The following GLDC variants were observed in gnomAD, a reference collection of about 807,000 sequenced individuals.
GLDC encodes glycine dehydrogenase (decarboxylating), mitochondrial.
In GLDC, 104 loss-of-function variants were observed where a neutral mutation model predicts 121.3. The observed-to-expected ratio is 0.86, with a 90% CI of 0.73 to 1.01. GLDC has a LOEUF of 1.01. Ranked by LOEUF, GLDC falls within the 50% of genes least tolerant of loss-of-function variation. The pLI, the probability that GLDC is intolerant of heterozygous loss-of-function variation, is 0.00. For synonymous variants in GLDC, 546 were observed against 480.6 expected, an observed-to-expected ratio of 1.14 and a Z score of -1.78; for missense variants, 1,429 against 1,306.6, an observed-to-expected ratio of 1.09 and a Z score of -1.44.
At position 6,645,250 on chromosome 9, in the gene GLDC, G is replaced by A. The variant is rs746606221; in HGVS notation, c.250C>T (p.Leu84=). The change falls in exon 1 of 25, where the codon CTG becomes TTG. Residue 84 remains leucine, a synonymous_variant. Coordinates refer to ENST00000321612, the MANE Select transcript of GLDC (RefSeq NM_000170.3). ...DQREMLQTLG[L]ASIDELIEKT... ...GGCCGGGTGGAGGTCCTTACCGCCA[G>A]CCCCAAGGTCTGCAGCATCTCTCTC... 25 of 1,595,478 alleles carry A rather than the reference G, an allele frequency of 1.6e-5. No individual in the cohort carries two copies. The East Asian group carries it at 4.6e-4, about 30-fold the overall frequency.
chr9:6,631,884 C>A (rs764420725), intron 2 of GLDC, among the ~76,000 whole-genome samples: 1 of 152,146 alleles, frequency 6.6e-6, no homozygotes, highest in Non-Finnish European at 1.5e-5. Flanking sequence ...CTAGGCAACA[C>A]AGCAAGACCC....
intron 15 of GLDC, among the ~76,000 whole-genome samples, chr9:6,572,681 C>T (rs967277265): frequency 3.9e-5 from 6 of 152,190 alleles, no homozygotes; most frequent in Non-Finnish European, 5.9e-5. Context: ...GGTGACTCTT[C>T]GCATGGTGAG....
At chr9:6,629,426 G>C (rs1819315548) in intron 2 of GLDC, among the ~76,000 whole-genome samples, 1 of 152,030 alleles carries the variant, frequency 6.6e-6, no homozygotes, top group African/African-American at 2.4e-5. Context: ...TATTGGACAG[G>C]CTGGTCTTGA....
chr9:6,532,744 T>A lies in GLDC; in HGVS notation c.*273A>T, dbSNP rs1243788841. ...AAACTTGCCACATTAAAAGTTAAAG[T>A]TCCTAAAACTTTCTACGCAAAACAC... On this transcript the variant is annotated 3_prime_UTR_variant, in exon 25 of 25. Coordinates refer to ENST00000321612, the MANE Select transcript of GLDC (RefSeq NM_000170.3). The A allele has an allele frequency of 2.3e-6, 1 of 435,888 alleles. No individual in the cohort carries two copies. Among genetic ancestry groups the A allele is most frequent in the Non-Finnish European group, 4.2e-6 (1 of 235,464 alleles). 27.0% of individuals were successfully genotyped at this position (435,888 alleles called of 1,614,324 possible). A position where few individuals can be genotyped will look rare whatever the true frequency, so the allele number is the denominator to read the frequency against.
chr9:6,612,905 T>C (rs555746027), intron 3 of GLDC, among the ~76,000 whole-genome samples: 1 of 152,148 alleles, frequency 6.6e-6, no homozygotes, highest in South Asian at 2.1e-4. Context: ...AGTTTGAGGC[T>C]GCAATGAGCC....
chr9:6,589,751 A>C lies in GLDC; in HGVS notation c.1483-459T>G, dbSNP rs189570281. On this transcript the variant is annotated intron_variant, in intron 11 of 24. Coordinates refer to ENST00000321612, the MANE Select transcript of GLDC (RefSeq NM_000170.3). ...CAAAGATGTAAATTTAAAAGCTAAA[A>C]CTACTAAAACTTAGAAGAAAATAGG... Among the ~76,000 whole-genome samples the C allele has an allele frequency of 4.3e-3, 649 of 152,174 alleles. 5 individuals are homozygous for C. The highest frequency in any genetic ancestry group is 0.015 in the African/African-American group (621 of 41,532).
At chr9:6,560,067 G>C (rs1817719799) in intron 16 of GLDC, among the ~76,000 whole-genome samples, 1 of 152,210 alleles carries the variant, frequency 6.6e-6, no homozygotes, top group African/African-American at 2.4e-5. Context: ...AAAATTCTCA[G>C]ACTCAAATCA....
At chr9:6,551,036 T>C (rs1297712488) in intron 20 of GLDC, 122 bp from the exon 21 acceptor site, 2 of 762,302 alleles carry the variant, frequency 2.6e-6, no homozygotes, top group East Asian at 4.9e-5. Context: ...ACCATGACTC[T>C]GGAGTAAAGA....
At chr9:6,591,248 C>T (rs76610829) in intron 11 of GLDC, among the ~76,000 whole-genome samples, 2,258 of 152,298 alleles carry the variant, frequency 0.015, 49 homozygotes, top group African/African-American at 0.052. Flanking sequence ...CTAGAACACT[C>T]GGACCCATCT....
chr9:6,553,090 C>A (rs1003744868), intron 20 of GLDC, among the ~76,000 whole-genome samples: 1 of 152,134 alleles, frequency 6.6e-6, no homozygotes, highest in Admixed American at 6.5e-5. Context: ...TGGAACTTAG[C>A]TGTGTCTGGA....
At chr9:6,556,976 C>T (rs951964126) in intron 17 of GLDC, among the ~76,000 whole-genome samples, 2 of 152,044 alleles carry the variant, frequency 1.3e-5, no homozygotes, top group East Asian at 1.9e-4. Flanking sequence ...GTTCTAGGTG[C>T]GTCCATTCTC....
chr9:6,549,986 A>G (rs1817477864), intron 21 of GLDC, among the ~76,000 whole-genome samples: 1 of 151,996 alleles, frequency 6.6e-6, no homozygotes, highest in Non-Finnish European at 1.5e-5. Context: ...CCTCATTGTC[A>G]TTTGCTCCCT....
Position 6,546,779 on chromosome 9 carries a change from G to T in GLDC, c.2569+4024C>A, listed in dbSNP as rs372383965. 2.5e-3 allele frequency among the ~76,000 whole-genome samples: 384 copies of T among 151,772 alleles called. 2 individuals carry two copies. Among genetic ancestry groups the T allele is most frequent in the African/African-American group, 9.0e-3 (372 of 41,410 alleles). ...GAGTTTGAGACCAGCCCGGGCAACA[G>T]GATGAAACCCTGTCTCTACTAAAAA... On this transcript the variant is annotated intron_variant, in intron 21 of 24. Coordinates refer to ENST00000321612, the MANE Select transcript of GLDC (RefSeq NM_000170.3).
intron 21 of GLDC, among the ~76,000 whole-genome samples, chr9:6,542,983 T>C (rs1398281552): frequency 6.6e-6 from 1 of 151,432 alleles, no homozygotes; most frequent in Non-Finnish European, 1.5e-5. Flanking sequence ...AGTGGAATGT[T>C]CAAGGGGAAA....
At chr9:6,629,958 T>TATATATATATATATATATG in intron 2 of GLDC, among the ~76,000 whole-genome samples, 1 of 78,680 alleles carries the variant, frequency 1.3e-5, no homozygotes, top group Non-Finnish European at 2.4e-5. Flanking sequence ...TATATATATA[T>TATATATATATATATATATG]TTTTTTTTTT....
chr9:6,554,992 G>A (rs1817593036), intron 18 of GLDC: 1 of 621,134 alleles, frequency 1.6e-6, no homozygotes, highest in East Asian at 2.8e-5. Context: ...GGTTGCTATG[G>A]AAATAGCAAC....
intron 14 of GLDC, 40 bp from the exon 15 acceptor site, chr9:6,587,323 T>A (rs762045555): frequency 2.9e-6 from 4 of 1,399,068 alleles, no homozygotes; most frequent in Admixed American, 1.7e-5. Context: ...ATACATATTA[T>A]AATAGCAATA....
intron 14 of GLDC, 106 bp from the exon 15 acceptor site, chr9:6,587,389 T>C: frequency 1.2e-6 from 1 of 845,812 alleles, no homozygotes; most frequent in Non-Finnish European, 2.0e-6. Context: ...TGCCAGGCAC[T>C]GTTCTAAGCG....
intron 15 of GLDC, among the ~76,000 whole-genome samples, chr9:6,580,192 A>G (rs1291333329): frequency 1.3e-5 from 2 of 152,166 alleles, no homozygotes; most frequent in Non-Finnish European, 2.9e-5. Context: ...CAGGCCCCAA[A>G]GAACTCTTAC....
Sources: allele counts gnomAD v4.1 joint callset (sites outside exome capture counted in the v4.1 genomes callset), GRCh38; gene constraint gnomAD v4.1.1; transcripts MANE v1.5; gene names NCBI Gene and HGNC (gene_info 2026-07-23, HGNC 2026-07-21).